Variants in NID2 observed in about 807,000 individuals in gnomAD.
NID2 encodes the protein nidogen 2.
A neutral mutation model predicts 145.4 loss-of-function variants in NID2; 83 were observed. The observed-to-expected ratio is 0.57, with a 90% confidence interval of 0.48 to 0.69. The LOEUF is 0.69. Ranked by LOEUF, NID2 falls within the 30% of genes least tolerant of loss-of-function variation. NID2 has a pLI of 0.00. For missense variants in NID2, 1,807 were observed against 1,765.7 expected (o/e 1.02, Z -0.42); for synonymous variants, 739 against 701.3 (o/e 1.05, Z -0.85).
At position 52,054,110 on chromosome 14, in the gene NID2, A is replaced by T. The variant is rs767083735; in HGVS notation, c.979T>A (p.Tyr327Asn). 14 of 1,614,022 alleles carry T rather than the reference A, an allele frequency of 8.7e-6. No individual in the cohort carries two copies. The highest frequency in any genetic ancestry group is 4.4e-5 in the South Asian group (4 of 91,084). The change falls in exon 4 of 22, where the codon TAC (tyrosine) becomes AAC (asparagine). Residue 327 changes from tyrosine (Y) to asparagine (N), a missense_variant. By Grantham distance (143) the Tyr-to-Asn change is moderately radical. Coordinates refer to ENST00000216286, the MANE Select transcript of NID2 (RefSeq NM_007361.4). ...GCCTCCTCTGGTTCACCCGGAAGGT[A>T]TTCAGCTTCCTCCTCATTCACATCA... ...YYDVNEEEAE[Y>N]LPGEPEEALN... is the part of the protein sequence containing the mutation.
chr14:52,063,216 C>A (rs1893070141), intron 2 of NID2, among the ~76,000 whole-genome samples: 1 of 152,230 alleles, frequency 6.6e-6, no homozygotes, highest in Admixed American at 6.5e-5. Flanking sequence ...TTTGCAAGAG[C>A]CGCACAGGCT....
Position 52,042,119 on chromosome 14 carries a change from C to A in NID2, c.1811G>T (p.Gly604Val), listed in dbSNP as rs754452616. 3.1e-6 allele frequency: 5 copies of A among 1,599,262 alleles called. No individual in the cohort carries two copies. The highest frequency in any genetic ancestry group is 1.7e-5 in the Admixed American group (1 of 59,022). ...GCCCTACTCACCTGCGAGGCTGAAG[C>A]CGTTCTCAGAGCCAGGTTTTTCTAA... ...FALEKPGSEN[G>V]FSLAGAAFTH... The change falls in exon 7 of 22, where the codon GGC (glycine) becomes GTC (valine). Residue 604 changes from glycine to valine, a missense_variant. Gly to Val is a moderately radical substitution (Grantham distance 109). Transcript: ENST00000216286.
At chr14:52,008,070 C>G in intron 18 of NID2, 103 bp from the exon 19 acceptor site, 2 of 890,306 alleles carry the variant, frequency 2.2e-6, no homozygotes. Flanking sequence ...GTATTATAGC[C>G]TTAAGCAATC....
intron 11 of NID2, 78 bp from the exon 12 acceptor site, chr14:52,027,422 C>T (rs1891629225): frequency 1.6e-6 from 2 of 1,272,476 alleles, no homozygotes; most frequent in Admixed American, 3.2e-5. Context: ...GCATGATCCA[C>T]AGACCAACAG....
rs1890714313 is a variant in NID2 at position 52,005,198 on chromosome 14, T to TAAATATTAATGATAAATGTTTA, written c.*266_*287dup. ...TCTTAGTTGAATGAATTTGATCTTT[T>TAAATATTAATGATAAATGTTTA]AAATATTAATGATAAATGTTTACAA... is the stretch of plus-strand genomic sequence containing the variant. On this transcript the variant is annotated 3_prime_UTR_variant, in exon 22 of 22. Coordinates refer to ENST00000216286, the MANE Select transcript of NID2 (RefSeq NM_007361.4). The TAAATATTAATGATAAATGTTTA allele has an allele frequency of 6.8e-6, 2 of 296,074 alleles. No individual in the cohort carries two copies. The highest frequency in any genetic ancestry group is 2.2e-5 in the African/African-American group (1 of 46,280). The allele number at this position is 296,074 out of a possible 1,614,324, so 18.3% of individuals were successfully genotyped here.
intron 2 of NID2, among the ~76,000 whole-genome samples, chr14:52,061,307 T>G (rs1189037179): frequency 6.6e-6 from 1 of 152,242 alleles, no homozygotes. Context: ...TGGGCATCTC[T>G]AGTGAGCATT....
intron 8 of NID2, among the ~76,000 whole-genome samples, chr14:52,039,820 C>T (rs970094341): frequency 6.6e-6 from 1 of 152,182 alleles, no homozygotes; most frequent in Non-Finnish European, 1.5e-5. Context: ...TGAGAAAATA[C>T]ATTCTCAGAT....
chr14:52,039,920 A>G (rs1892214183), intron 8 of NID2, among the ~76,000 whole-genome samples: 1 of 152,174 alleles, frequency 6.6e-6, no homozygotes, highest in South Asian at 2.1e-4. Flanking sequence ...TAGTTTTATA[A>G]TAAATTATAG....
intron 2 of NID2, among the ~76,000 whole-genome samples, chr14:52,061,623 T>C (rs970648212): frequency 1.3e-5 from 2 of 152,114 alleles, no homozygotes; most frequent in African/African-American, 2.4e-5. Flanking sequence ...GTGAATGTTA[T>C]AAACACTGCA....
chr14:52,044,431 G>A (rs1892407797), intron 5 of NID2, among the ~76,000 whole-genome samples: 1 of 151,686 alleles, frequency 6.6e-6, no homozygotes, highest in African/African-American at 2.4e-5. Context: ...CACCACGCCT[G>A]ACTAATTTTT....
At chr14:52,033,776 G>T (rs906883361) in intron 9 of NID2, among the ~76,000 whole-genome samples, 1 of 152,140 alleles carries the variant, frequency 6.6e-6, no homozygotes. Flanking sequence ...ATGAAGTAGG[G>T]TTCAAACACA....
chr14:52,011,659 A>G lies in NID2; in HGVS notation c.3445T>C (p.Tyr1149His), dbSNP rs1461620956. ...LHGSIIVGID[Y>H]DCRERMVYWT... ...TACACCATCCTCTCCCGGCAGTCGTAATCAATTCCCACGATTATGGAGCCC... is the reference window on the plus strand; with the variant it reads ...TACACCATCCTCTCCCGGCAGTCGTGATCAATTCCCACGATTATGGAGCCC... The change falls in exon 17 of 22, where the codon TAC becomes CAC. Residue 1149 changes from tyrosine to histidine, a missense_variant. Coordinates refer to ENST00000216286, the MANE Select transcript of NID2 (RefSeq NM_007361.4). 6.2e-7 allele frequency: 1 copy of G among 1,614,196 alleles called. No homozygotes were observed. Among genetic ancestry groups the G allele is most frequent in the Non-Finnish European group, 8.5e-7 (1 of 1,180,022 alleles).
intron 12 of NID2, among the ~76,000 whole-genome samples, chr14:52,022,156 A>C (rs1314473253): frequency 6.6e-6 from 1 of 151,852 alleles, no homozygotes; most frequent in East Asian, 1.9e-4. Flanking sequence ...GAGCTACCAA[A>C]TAAATCAACG....
chr14:52,006,353 T>C, intron 20 of NID2, 184 bp downstream of exon 20: 1 of 623,494 alleles, frequency 1.6e-6, no homozygotes, highest in Admixed American at 3.1e-5. Flanking sequence ...AAAAGGATGA[T>C]TTCAAAAACA....
chr14:52,030,567 A>AAAAC (rs1185429260), intron 9 of NID2, among the ~76,000 whole-genome samples: 1 of 99,272 alleles, frequency 1.0e-5, no homozygotes, highest in Admixed American at 1.3e-4. Context: ...AAAGAAAGAA[A>AAAAC]GGAAGGAAGG....
chr14:52,045,310 G>A (rs181795558), intron 5 of NID2, among the ~76,000 whole-genome samples: 5 of 152,320 alleles, frequency 3.3e-5, no homozygotes, highest in African/African-American at 1.2e-4. Flanking sequence ...AGTGCTGCCT[G>A]CAGATCCTTG....
chr14:52,010,622 TATCAC>T (rs1327832579), intron 18 of NID2: 1 of 360,084 alleles, frequency 2.8e-6, no homozygotes, highest in Admixed American at 3.8e-5. Context: ...ATTTTCTACA[TATCAC>T]ATCACAGACT....
chr14:52,019,855 G>A (rs909708825), intron 13 of NID2, among the ~76,000 whole-genome samples: 5 of 152,154 alleles, frequency 3.3e-5, no homozygotes, highest in East Asian at 1.9e-4. Context: ...TGGGTGGGTC[G>A]TCTCCCGCAG....
chr14:52,050,019 C>G (rs1180252474), intron 5 of NID2, among the ~76,000 whole-genome samples: 1 of 152,192 alleles, frequency 6.6e-6, no homozygotes, highest in African/African-American at 2.4e-5. Context: ...GAGCTTGCAA[C>G]ACACTCCTGC....
Sources: gnomAD v4.1 joint callset for allele counts (sites outside exome capture counted in the v4.1 genomes callset) on GRCh38, gnomAD v4.1.1 for gene constraint, MANE v1.5 for transcripts, NCBI Gene and HGNC (gene_info 2026-07-23, HGNC 2026-07-21) for gene names.